Variants in AVEN observed in about 807,000 individuals in gnomAD.
AVEN encodes the protein cell death regulator Aven.
In AVEN, 41 loss-of-function variants were observed where a neutral mutation model predicts 38.1. The observed-to-expected ratio is 1.08, with a 90% confidence interval of 0.84 to 1.40. The LOEUF is 1.40. Ranked by LOEUF, AVEN falls within the 40% of genes most tolerant of loss-of-function variation. AVEN has a pLI of 0.00. For missense variants in AVEN, 605 were observed against 438.8 expected, an observed-to-expected ratio of 1.38 and a Z score of -3.38; for synonymous variants, 206 against 171.8, an observed-to-expected ratio of 1.20 and a Z score of -1.56.
chr15:33,913,309 C>T (rs994570876), intron 2 of AVEN, among the ~76,000 whole-genome samples: 2 of 152,198 alleles, frequency 1.3e-5, no homozygotes, highest in African/African-American at 4.8e-5. Flanking sequence ...AACTTTTAAA[C>T]TAATTGGTAT....
downstream of AVEN, chr15:33,858,231 T>C (rs1160364824): frequency 4.7e-5 from 12 of 254,110 alleles, no homozygotes; most frequent in Admixed American, 5.9e-4. Flanking sequence ...TGAGATGGAG[T>C]TTTGCTTTTG....
intron 2 of AVEN, among the ~76,000 whole-genome samples, chr15:33,913,017 G>A (rs749916413): frequency 1.9e-4 from 29 of 151,876 alleles, no homozygotes; most frequent in Admixed American, 5.9e-4. Context: ...AGCCTCCCAA[G>A]TAGCTGGGAT....
chr15:33,870,234 C>T (rs1890880730), intron 4 of AVEN, among the ~76,000 whole-genome samples: 1 of 152,170 alleles, frequency 6.6e-6, no homozygotes, highest in South Asian at 2.1e-4. Flanking sequence ...CTCACCTGCA[C>T]CTGTACAACA....
At chr15:34,002,934 T>C (rs1897193100) in intron 2 of AVEN, 98 bp downstream of exon 2, 6 of 1,122,008 alleles carry the variant, frequency 5.3e-6, no homozygotes, top group Non-Finnish European at 7.6e-6. Context: ...GAACAAAGGA[T>C]AAATTGCTAG....
rs768825267 is a variant in AVEN at position 33,875,790 on chromosome 15, A to C, written c.516+135T>G. On this transcript the variant is annotated intron_variant, in intron 3 of 5. Transcript: ENST00000306730. Reference sequence around the variant, plus strand: ...ATTTCAGCCCCCTGAAAATTTTCTGAAAAGTTTAGCTGAGGGTACACTGTA... The same window carrying C: ...ATTTCAGCCCCCTGAAAATTTTCTGCAAAGTTTAGCTGAGGGTACACTGTA... 3.1e-5 allele frequency: 25 copies of C among 808,186 alleles called. No homozygotes were observed. The South Asian group carries it at 5.7e-4, about 18-fold the overall frequency. 50.1% of individuals were successfully genotyped at this position (808,186 alleles called of 1,614,324 possible).
At chr15:33,867,949 T>G in intron 4 of AVEN, 94 bp from the exon 5 acceptor site, 2 of 1,456,502 alleles carry the variant, frequency 1.4e-6, no homozygotes, top group African/African-American at 2.8e-5. Context: ...CCATCAAACT[T>G]TGTGACAGAG....
At chr15:34,006,524 T>C (rs1402627802) in intron 1 of AVEN, among the ~76,000 whole-genome samples, 2 of 152,124 alleles carry the variant, frequency 1.3e-5, no homozygotes, top group Admixed American at 1.3e-4. Flanking sequence ...CTGGGCAAAA[T>C]AATTACCTTG....
rs1465618932 is a variant in AVEN at position 34,003,075 on chromosome 15, C to T, written c.402G>A (p.Glu134=). Residue 134 remains glutamate (E), a synonymous_variant, in exon 2 of 6, where the codon GAG becomes GAA. Coordinates refer to ENST00000306730, the MANE Select transcript of AVEN (RefSeq NM_020371.3). ...CACTGAAATCTGTTCCCCTCTGTGA[C>T]TCTCCACTTTCATTATTGACCTCTT... ...IEKEVNNESG[E]SQRGTDFSVL... 8.1e-6 allele frequency: 13 copies of T among 1,614,016 alleles called. No homozygotes were observed. The highest frequency in any genetic ancestry group is 1.1e-5 in the Non-Finnish European group (13 of 1,179,912).
At chr15:34,054,565 C>T (rs1900056580) in intron 5 of AVEN, among the ~76,000 whole-genome samples, 1 of 152,148 alleles carries the variant, frequency 6.6e-6, no homozygotes, top group Non-Finnish European at 1.5e-5. Context: ...CCTGAGCAGA[C>T]TAACACAGGA....
intron 2 of AVEN, among the ~76,000 whole-genome samples, chr15:33,905,197 G>T (rs1406220190): frequency 8.6e-6 from 1 of 116,516 alleles, no homozygotes; most frequent in African/African-American, 2.9e-5. Context: ...AACTAATTAG[G>T]TGTCAAAACA....
At chr15:33,944,169 G>T in intron 2 of AVEN, among the ~76,000 whole-genome samples, 1 of 152,228 alleles carries the variant, frequency 6.6e-6, no homozygotes, top group East Asian at 1.9e-4. Flanking sequence ...ACACGAGTCT[G>T]AATGTGGTCA....
chr15:33,993,580 G>A (rs1896814198), intron 2 of AVEN, among the ~76,000 whole-genome samples: 1 of 152,106 alleles, frequency 6.6e-6, no homozygotes, highest in Non-Finnish European at 1.5e-5. Flanking sequence ...CTTTTAAAGA[G>A]TTTTATTCCT....
intron 2 of AVEN, among the ~76,000 whole-genome samples, chr15:33,957,615 T>C (rs932191630): frequency 2.0e-5 from 3 of 151,392 alleles, no homozygotes; most frequent in African/African-American, 7.3e-5. Context: ...ACAGGAGAAA[T>C]GATAAACAAA....
chr15:33,976,752 A>G (rs1895905919), intron 2 of AVEN, among the ~76,000 whole-genome samples: 1 of 152,224 alleles, frequency 6.6e-6, no homozygotes. Flanking sequence ...CCTGTCTCAG[A>G]TGACCAGCTG....
At chr15:34,069,951 C>G (rs1048035997) in intron 2 of AVEN, among the ~76,000 whole-genome samples, 1 of 152,108 alleles carries the variant, frequency 6.6e-6, no homozygotes, top group Non-Finnish European at 1.5e-5. Context: ...ACCTTCCATC[C>G]CATTCCCACC....
downstream of AVEN, chr15:33,865,440 A>AG (rs554792162): frequency 3.5e-4 from 177 of 499,770 alleles, 1 homozygote; most frequent in African/African-American, 2.9e-3. Context: ...AAAATGTCGA[A>AG]GAAGGAAGGC....
At chr15:33,919,113 G>A (rs561661225) in intron 2 of AVEN, among the ~76,000 whole-genome samples, 7 of 152,076 alleles carry the variant, frequency 4.6e-5, no homozygotes, top group African/African-American at 1.7e-4. Flanking sequence ...AGTAGACACA[G>A]GGTTTCACTC....
intron 3 of AVEN, among the ~76,000 whole-genome samples, chr15:33,873,103 T>C (rs914721846): frequency 1.5e-5 from 2 of 137,924 alleles, no homozygotes; most frequent in African/African-American, 5.4e-5. Context: ...TCTTTTTTTT[T>C]TTTTTTTTTT....
chr15:34,047,205 G>A (rs1014295926), intron 5 of AVEN, among the ~76,000 whole-genome samples: 13 of 151,966 alleles, frequency 8.6e-5, no homozygotes, highest in Non-Finnish European at 1.9e-4. Flanking sequence ...AGCCTCCCGA[G>A]TAGCTGGGAC....
Sources: gnomAD v4.1 joint callset for allele counts (sites outside exome capture counted in the v4.1 genomes callset) on GRCh38, gnomAD v4.1.1 for gene constraint, MANE v1.5 for transcripts, NCBI Gene and HGNC (gene_info 2026-07-23, HGNC 2026-07-21) for gene names.